CADM2: variants seen among roughly 807,000 people sequenced by gnomAD.
CADM2 encodes cell adhesion molecule 2.
A neutral mutation model predicts 49.8 loss-of-function variants in CADM2; 12 were observed. The ratio of observed to expected loss-of-function variants is 0.24; its 90% CI spans 0.15 to 0.39. CADM2 has a LOEUF of 0.39. Among genes scored for constraint, CADM2 ranks in the 10% least tolerant of loss-of-function variants. CADM2 has a pLI of 1.00. For missense variants in CADM2, 378 were observed against 492.3 expected, an observed-to-expected ratio of 0.77 and a Z score of 2.20; for synonymous variants, 214 against 175.4, an observed-to-expected ratio of 1.22 and a Z score of -1.74.
At chr3:85,666,100 GACAA>G (rs1344245895) in intron 1 of CADM2, among the ~76,000 whole-genome samples, 11 of 151,990 alleles carry the variant, frequency 7.2e-5, no homozygotes, top group South Asian at 4.1e-4. Context: ...ACCAACAACA[GACAA>G]ACAGAGAGCC....
At chr3:85,975,905 T>C (rs1252425023) in intron 8 of CADM2, among the ~76,000 whole-genome samples, 1 of 151,556 alleles carries the variant, frequency 6.6e-6, no homozygotes, top group African/African-American at 2.4e-5. Flanking sequence ...TTTATAGTTG[T>C]CTTGGTGTCT....
At chr3:85,220,727 T>C (rs1025423352) in intron 1 of CADM2, among the ~76,000 whole-genome samples, 15 of 152,146 alleles carry the variant, frequency 9.9e-5, no homozygotes, top group African/African-American at 3.4e-4. Context: ...GCCAGGATGA[T>C]GGGAGAACTT....
At chr3:85,809,383 G>A (rs780699879) in intron 3 of CADM2, among the ~76,000 whole-genome samples, 7 of 152,076 alleles carry the variant, frequency 4.6e-5, no homozygotes, top group Non-Finnish European at 1.0e-4. Flanking sequence ...TTGAGGTCAG[G>A]AGTTTGAGAC....
intron 1 of CADM2, among the ~76,000 whole-genome samples, chr3:85,257,714 T>C (rs567518032): frequency 6.6e-6 from 1 of 152,288 alleles, no homozygotes; most frequent in East Asian, 1.9e-4. Context: ...CGTGGCTGTC[T>C]CTTCTTCACT....
intron 1 of CADM2, among the ~76,000 whole-genome samples, chr3:85,050,296 G>T (rs1207483161): frequency 1.3e-5 from 2 of 151,956 alleles, no homozygotes; most frequent in Non-Finnish European, 2.9e-5. Flanking sequence ...AAGTACACCT[G>T]TACCCCACAT....
chr3:85,180,116 G>A (rs2040889895), intron 1 of CADM2, among the ~76,000 whole-genome samples: 2 of 152,026 alleles, frequency 1.3e-5, no homozygotes, highest in Non-Finnish European at 2.9e-5. Context: ...AAATAAATAA[G>A]TAAAATATAT....
chr3:85,438,492 C>T (rs2037036733), intron 1 of CADM2, among the ~76,000 whole-genome samples: 1 of 152,056 alleles, frequency 6.6e-6, no homozygotes, highest in South Asian at 2.1e-4. Context: ...CATAGATTTT[C>T]ACTCCTGTAC....
chr3:85,922,738 A>G (rs887965682), intron 6 of CADM2, among the ~76,000 whole-genome samples: 2 of 152,168 alleles, frequency 1.3e-5, no homozygotes, highest in South Asian at 4.1e-4. Flanking sequence ...CCAGAAGAAT[A>G]CAATATCTTT....
rs140600932 is a variant in CADM2 at position 85,287,553 on chromosome 3, T to A, written c.61+327885T>A. Among the ~76,000 whole-genome samples, 810 of 152,204 alleles carry A rather than the reference T, an allele frequency of 5.3e-3. 4 individuals are homozygous for A. The highest frequency in any genetic ancestry group is 0.018 in the African/African-American group (768 of 41,546). On this transcript the variant is annotated intron_variant, in intron 1 of 9. Transcript: ENST00000383699. ...AATCAATTTCCTAAAAAAAGATTAT[T>A]CTTTCTTGTTTATCAGCTCTTTGTC...
chr3:86,064,060 CA>C (rs11351557), intron 8 of CADM2, among the ~76,000 whole-genome samples: 5,844 of 151,278 alleles, frequency 0.039, 371 homozygotes, highest in African/African-American at 0.13. Context: ...TATATATATA[CA>C]TTTTTTTATT....
intron 1 of CADM2, among the ~76,000 whole-genome samples, chr3:85,351,642 G>T (rs2031362684): frequency 6.6e-6 from 1 of 151,984 alleles, no homozygotes; most frequent in Non-Finnish European, 1.5e-5. Flanking sequence ...TGCACAGGCT[G>T]AGGGAATGTG....
intron 1 of CADM2, among the ~76,000 whole-genome samples, chr3:85,347,674 C>T (rs1365873345): frequency 6.8e-6 from 1 of 147,956 alleles, no homozygotes; most frequent in East Asian, 2.0e-4. Context: ...TGCAGTCTTA[C>T]TCTGTCACCT....
chr3:85,064,679 A>G (rs2036460122), intron 1 of CADM2, among the ~76,000 whole-genome samples: 1 of 152,132 alleles, frequency 6.6e-6, no homozygotes, highest in African/African-American at 2.4e-5. Flanking sequence ...AGAAGCAATA[A>G]TTTTTAGTAA....
chr3:85,973,973 G>A (rs1436924857), intron 8 of CADM2, among the ~76,000 whole-genome samples: 4 of 151,696 alleles, frequency 2.6e-5, no homozygotes, highest in Admixed American at 6.6e-5. Flanking sequence ...TTAGGTATCA[G>A]GAAAGGATGG....
intron 1 of CADM2, among the ~76,000 whole-genome samples, chr3:85,049,977 T>C (rs1054557318): frequency 1.3e-5 from 2 of 152,146 alleles, no homozygotes; most frequent in Admixed American, 6.6e-5. Flanking sequence ...GGACTCCTTC[T>C]TGACTCCACC....
At chr3:85,855,501 G>A (rs918149021) in intron 3 of CADM2, among the ~76,000 whole-genome samples, 2 of 149,244 alleles carry the variant, frequency 1.3e-5, no homozygotes, top group Admixed American at 6.7e-5. Flanking sequence ...TATTCAAGAC[G>A]GTTTTACAAA....
intron 1 of CADM2, among the ~76,000 whole-genome samples, chr3:85,249,917 A>G (rs926947690): frequency 6.6e-6 from 1 of 151,846 alleles, no homozygotes; most frequent in Middle Eastern, 3.2e-3. Flanking sequence ...AACGGCCTCT[A>G]TGAAAGATAA....
rs554999537 is a variant in CADM2, at chr3:85,334,137, A to G, written c.61+374469A>G. Among the ~76,000 whole-genome samples, 10 of 151,734 alleles carry G rather than the reference A, an allele frequency of 6.6e-5. No homozygotes were observed. The South Asian group carries it at 1.9e-3, about 28-fold the overall frequency. ...TGAGTTTTTCATCTTTTCTGCTACT[A>G]TAGCAGAAAACCTTTTATGTAGGCT... On this transcript the variant is annotated intron_variant, in intron 1 of 9. Transcript: ENST00000383699.
intron 1 of CADM2, among the ~76,000 whole-genome samples, chr3:85,333,823 G>A (rs1265140338): frequency 6.6e-6 from 1 of 151,658 alleles, no homozygotes; most frequent in African/African-American, 2.4e-5. Flanking sequence ...GTTGAGAAGA[G>A]ATAGTAATGT....
Sources: allele counts gnomAD v4.1 joint callset (sites outside exome capture counted in the v4.1 genomes callset), GRCh38; gene constraint gnomAD v4.1.1; transcripts MANE v1.5; gene names NCBI Gene and HGNC (gene_info 2026-07-23, HGNC 2026-07-21).